HSD17B11: variants seen among roughly 807,000 people sequenced by gnomAD.
The protein encoded by HSD17B11 is hydroxysteroid 17-beta dehydrogenase 11.
Under a neutral mutation model 27.8 loss-of-function variants are expected in HSD17B11, and 22 were observed. That is an observed-to-expected ratio of 0.79 (90% CI 0.56 to 1.13). The LOEUF (loss-of-function observed/expected upper bound fraction) is 1.13, where lower values mean the gene tolerates loss of function less well. Among genes scored for constraint, HSD17B11 ranks in the 50% most tolerant of loss-of-function variants. The pLI is 0.00. For missense variants in HSD17B11, 314 were observed against 351.1 expected (o/e 0.89, Z 0.84); for synonymous variants, 117 against 132.8 (o/e 0.88, Z 0.82).
intron 1 of HSD17B11, among the ~76,000 whole-genome samples, chr4:87,390,445 C>G (rs758303155): frequency 6.6e-6 from 1 of 152,204 alleles, no homozygotes; most frequent in Non-Finnish European, 1.5e-5. Context: ...CGTGAGCCAA[C>G]GGCGAGTATA....
rs918453175 is a variant in HSD17B11, at chr4:87,391,181, G to A, written c.-111C>T. ...CAGAAAGAGTAGGGGCGAGAGCAAG[G>A]AGGAACTCCCGTATCAAAGAAAAAC... On this transcript the variant is annotated 5_prime_UTR_variant, in exon 1 of 7. Transcript: ENST00000358290. 3 of 753,924 alleles carry A rather than the reference G, an allele frequency of 4.0e-6. No homozygotes were observed. The highest frequency in any genetic ancestry group is 1.8e-5 in the African/African-American group (1 of 56,214). 46.7% of individuals were successfully genotyped at this position (753,924 alleles called of 1,614,324 possible). A position where few individuals can be genotyped will look rare whatever the true frequency, so the allele number is the denominator to read the frequency against.
chr4:87,368,172 C>A (rs1428829733), intron 4 of HSD17B11, among the ~76,000 whole-genome samples: 1 of 152,062 alleles, frequency 6.6e-6, no homozygotes, highest in African/African-American at 2.4e-5. Flanking sequence ...AAAAAATTAG[C>A]CGGGTGTGGT....
intron 1 of HSD17B11, chr4:87,385,759 T>TA (rs1398604595): frequency 2.6e-5 from 4 of 151,798 alleles, no homozygotes; most frequent in East Asian, 1.9e-4. Flanking sequence ...ACTAAAAATA[T>TA]AAAAAATTAG....
At chr4:87,378,895 A>AATATATATAAATAT (rs1720025447) in intron 2 of HSD17B11, among the ~76,000 whole-genome samples, 1 of 8,410 alleles carries the variant, frequency 1.2e-4, no homozygotes, top group Non-Finnish European at 1.8e-4. Flanking sequence ...TATATATATA[A>AATATATATAAATAT]ATATATATAA....
intron 2 of HSD17B11, among the ~76,000 whole-genome samples, chr4:87,381,186 C>CCAAAAAAAAAA (rs746118163): frequency 1.7e-5 from 2 of 114,306 alleles, no homozygotes; most frequent in Non-Finnish European, 1.8e-5. Flanking sequence ...GACTCCATTT[C>CCAAAAAAAAAA]AAAAAAAAAA....
chr4:87,376,584 C>T (rs1300166619), intron 2 of HSD17B11, among the ~76,000 whole-genome samples: 1 of 146,182 alleles, frequency 6.8e-6, no homozygotes, highest in Non-Finnish European at 1.5e-5. Context: ...TATTAAAATA[C>T]ATATGTGTGT....
chr4:87,354,647 AAAATAAAAAAAAT>A (rs1472357611), intron 5 of HSD17B11, among the ~76,000 whole-genome samples: 8 of 151,394 alleles, frequency 5.3e-5, no homozygotes, highest in Admixed American at 2.6e-4. Context: ...TGTCTCAAAA[AAAATAAAAAAAAT>A]AAAAAAAGGA....
chr4:87,342,010 A>T (rs1369385549), intron 5 of HSD17B11, among the ~76,000 whole-genome samples: 1 of 152,218 alleles, frequency 6.6e-6, no homozygotes, highest in Non-Finnish European at 1.5e-5. Context: ...AAATGTACTC[A>T]TGAAATTTGC....
Position 87,357,320 on chromosome 4 carries a change from A to G in HSD17B11, c.654T>C (p.Pro218=). Reference sequence around the variant, plus strand: ...TGATGAAGCCAGTGTTTACGAAATTAGGACACAGACATGTTGTTTTGACTC... The same window carrying G: ...TGATGAAGCCAGTGTTTACGAAATTGGGACACAGACATGTTGTTTTGACTC... ...ITGVKTTCLC[P]NFVNTGFIKN... The change falls in exon 5 of 7, where the codon CCT becomes CCC. Residue 218 remains proline, a synonymous_variant. Coordinates refer to ENST00000358290, the MANE Select transcript of HSD17B11 (RefSeq NM_016245.5). The G allele has an allele frequency of 6.2e-7, 1 of 1,612,518 alleles. No homozygotes were observed. Among genetic ancestry groups the G allele is most frequent in the Non-Finnish European group, 8.5e-7 (1 of 1,179,522 alleles).
At chr4:87,389,879 G>GT (rs1301710540) in intron 1 of HSD17B11, among the ~76,000 whole-genome samples, 1 of 151,704 alleles carries the variant, frequency 6.6e-6, no homozygotes, top group Non-Finnish European at 1.5e-5. Context: ...TACACTGAAA[G>GT]TTTTTTTCCC....
chr4:87,337,500 G>C (rs1231254948), intron 6 of HSD17B11, 134 bp from the exon 7 acceptor site: 1 of 596,482 alleles, frequency 1.7e-6, no homozygotes, highest in African/African-American at 1.9e-5. Context: ...TCTTAAATCT[G>C]AGTCACTACT....
At chr4:87,340,236 C>A in intron 6 of HSD17B11, 1 of 223,732 alleles carries the variant, frequency 4.5e-6, no homozygotes, top group Non-Finnish European at 8.8e-6. Context: ...CAGAGTCATT[C>A]ATTTATAAGA....
chr4:87,357,151 C>A, intron 5 of HSD17B11, 128 bp downstream of exon 5: 1 of 1,032,624 alleles, frequency 9.7e-7, no homozygotes. Flanking sequence ...TCTGCAGAAA[C>A]TGAAATCAAA....
At chr4:87,366,680 G>A (rs1735618328) in intron 4 of HSD17B11, among the ~76,000 whole-genome samples, 1 of 152,114 alleles carries the variant, frequency 6.6e-6, no homozygotes, top group African/African-American at 2.4e-5. Flanking sequence ...TTTAATAGTG[G>A]CTGTCCTAAA....
chr4:87,361,659 A>C (rs904936071), intron 4 of HSD17B11, among the ~76,000 whole-genome samples: 41 of 152,056 alleles, frequency 2.7e-4, no homozygotes, highest in Non-Finnish European at 4.9e-4. Context: ...CCCAGCTACT[A>C]GGGAGGCTGA....
At chr4:87,363,516 C>T (rs1735555108) in intron 4 of HSD17B11, among the ~76,000 whole-genome samples, 1 of 152,120 alleles carries the variant, frequency 6.6e-6, no homozygotes, top group Non-Finnish European at 1.5e-5. Context: ...GTTGCAGGTC[C>T]CTGAAACAAA....
intron 5 of HSD17B11, among the ~76,000 whole-genome samples, chr4:87,344,018 T>C (rs1164641859): frequency 2.0e-5 from 3 of 152,202 alleles, no homozygotes; most frequent in Non-Finnish European, 4.4e-5. Context: ...CGACAACTAA[T>C]TTTAAACTAT....
intron 1 of HSD17B11, among the ~76,000 whole-genome samples, chr4:87,387,339 T>C (rs1281262904): frequency 6.6e-6 from 1 of 152,234 alleles, no homozygotes; most frequent in Non-Finnish European, 1.5e-5. Flanking sequence ...GACACTGCTG[T>C]CCTCATTACA....
At chr4:87,360,115 A>G (rs948153059) in intron 4 of HSD17B11, among the ~76,000 whole-genome samples, 10 of 142,578 alleles carry the variant, frequency 7.0e-5, no homozygotes, top group African/African-American at 2.1e-4. Flanking sequence ...AGCAGTAATT[A>G]TAAGGACAGA....
Sources: gnomAD v4.1 joint callset for allele counts (sites outside exome capture counted in the v4.1 genomes callset) on GRCh38, gnomAD v4.1.1 for gene constraint, MANE v1.5 for transcripts, NCBI Gene and HGNC (gene_info 2026-07-23, HGNC 2026-07-21) for gene names.